PIK3C2B: variants seen among roughly 807,000 people sequenced by gnomAD.
The protein encoded by PIK3C2B is phosphatidylinositol-4-phosphate 3-kinase catalytic subunit type 2 beta.
PIK3C2B carries 83 observed loss-of-function variants against 184.3 expected under a neutral mutation model. That is an observed-to-expected ratio of 0.45 (90% confidence interval 0.38 to 0.54). PIK3C2B has a LOEUF of 0.54. Ranked by LOEUF, PIK3C2B falls within the 20% of genes least tolerant of loss-of-function variation. The pLI is 0.00. For synonymous variants in PIK3C2B, 779 were observed against 837.6 expected (o/e 0.93, Z 1.21); for missense variants, 1,736 against 2,113.5 (o/e 0.82, Z 3.50).
At position 204,449,316 on chromosome 1, in the gene PIK3C2B, G is replaced by A. The variant is rs376232712; in HGVS notation, c.2235-20C>T. The A allele has an allele frequency of 6.4e-6, 10 of 1,567,540 alleles. No homozygotes were observed. In the African/African-American group the frequency reaches 1.1e-4, roughly 17 times the overall value. Reference sequence around the variant, plus strand: ...AGGACCCTAAGAAGGAGGGAGAGTGGGAAGAGCTGCTAAAGTGGCTAAGCA... The same window carrying A: ...AGGACCCTAAGAAGGAGGGAGAGTGAGAAGAGCTGCTAAAGTGGCTAAGCA... On this transcript the variant is annotated intron_variant, in intron 13 of 32. Coordinates refer to ENST00000684373, the MANE Select transcript of PIK3C2B (RefSeq NM_001377334.1).
chr1:204,456,314 C>T, intron 10 of PIK3C2B: 1 of 337,498 alleles, frequency 3.0e-6, no homozygotes, highest in East Asian at 4.5e-5. Context: ...ATTAAAATGT[C>T]CTTTCTTTTA....
Position 204,425,659 on chromosome 1 carries a change from T to C in PIK3C2B, c.4670A>G (p.Lys1557Arg), listed in dbSNP as rs1419342516. The C allele has an allele frequency of 6.2e-7, 1 of 1,614,024 alleles. No individual in the cohort carries two copies. Among genetic ancestry groups the C allele is most frequent in the Non-Finnish European group, 8.5e-7 (1 of 1,180,002 alleles). Residue 1557 changes from lysine to arginine, a missense_variant, in exon 32 of 33, where the codon AAA (lysine) becomes AGA (arginine). This residue lies in a region of PIK3C2B where 95 missense variants were observed against 164.2 expected (regional missense o/e 0.58). Coordinates refer to ENST00000684373, the MANE Select transcript of PIK3C2B (RefSeq NM_001377334.1). Reference protein sequence around the residue: ...LPDPQKTTKRKTKVARKTCNP... With the variant: ...LPDPQKTTKRRTKVARKTCNP... Reference sequence around the variant, plus strand: ...GCAGGTTTTCCGGGCCACTTTGGTTTTCCTCTTAGTGGTTTTCTGAGGGTC... The same window carrying C: ...GCAGGTTTTCCGGGCCACTTTGGTTCTCCTCTTAGTGGTTTTCTGAGGGTC...
At position 204,424,938 on chromosome 1, in the gene PIK3C2B, C is replaced by A. The variant is rs1373268934; in HGVS notation, c.4819G>T (p.Val1607Leu). The A allele has an allele frequency of 6.2e-7, 1 of 1,614,254 alleles. No homozygotes were observed. Among genetic ancestry groups the A allele is most frequent in the East Asian group, 2.2e-5 (1 of 44,888 alleles). The change falls in exon 33 of 33, where the codon GTG (valine) becomes TTG (leucine). Residue 1607 changes from valine to leucine, a missense_variant. Around this residue, in one of 8 missense-constraint regions of PIK3C2B, gnomAD observed 95 missense variants for 164.2 expected, o/e 0.58. Coordinates refer to ENST00000684373, the MANE Select transcript of PIK3C2B (RefSeq NM_001377334.1). ...GFWENVLLGE[V>L]NIRLRELDLA... ...TCCAGCTCTCGCAGGCGGATGTTCA[C>A]CTCACCGAGGAGGACGTTCTCCCAG...
At chr1:204,486,483 C>T (rs1459216139) in intron 1 of PIK3C2B, among the ~76,000 whole-genome samples, 1 of 151,220 alleles carries the variant, frequency 6.6e-6, no homozygotes, top group African/African-American at 2.4e-5. Flanking sequence ...GTAATTCCAG[C>T]ATTTTGGGAG....
At chr1:204,470,602 T>C (rs1656235932) in intron 1 of PIK3C2B, among the ~76,000 whole-genome samples, 1 of 152,244 alleles carries the variant, frequency 6.6e-6, no homozygotes, top group Non-Finnish European at 1.5e-5. Context: ...AGGCAGGTTC[T>C]TAAAAAGGTC....
At position 204,424,362 on chromosome 1, in the gene PIK3C2B, T is replaced by G; in HGVS notation, c.*490A>C. The G allele has an allele frequency of 5.3e-6, 1 of 190,036 alleles. No homozygotes were observed. Among genetic ancestry groups the G allele is most frequent in the South Asian group, 8.3e-5 (1 of 12,076 alleles). The allele number at this position is 190,036 out of a possible 1,614,324, so 11.8% of individuals were successfully genotyped here. ...CAAAAAAAAAAAACCTAGGGAAAAG[T>G]CCAATAAGAACCTTAATCATACAAA... On this transcript the variant is annotated 3_prime_UTR_variant, in exon 33 of 33. Transcript: ENST00000684373.
intron 22 of PIK3C2B, 52 bp downstream of exon 22, chr1:204,440,140 A>G (rs1349606959): frequency 1.9e-5 from 29 of 1,560,412 alleles, no homozygotes; most frequent in Non-Finnish European, 1.4e-5. Flanking sequence ...GGGCAGAAGG[A>G]CAATAAGCAA....
intron 1 of PIK3C2B, among the ~76,000 whole-genome samples, chr1:204,487,063 C>T (rs1056596737): frequency 2.0e-5 from 3 of 152,182 alleles, no homozygotes; most frequent in African/African-American, 7.2e-5. Flanking sequence ...CCTTCTCAGC[C>T]TCCCAAAGTG....
intron 28 of PIK3C2B, among the ~76,000 whole-genome samples, chr1:204,431,089 T>C (rs1455282245): frequency 1.3e-5 from 2 of 152,242 alleles, no homozygotes; most frequent in Non-Finnish European, 2.9e-5. Flanking sequence ...CTATCCAACT[T>C]CATAGCTCTT....
chr1:204,445,962 T>C lies in PIK3C2B; in HGVS notation c.2672A>G (p.His891Arg), dbSNP rs1375684477. ...GGCAGATGTTACAACTCACGTGGCA[T>C]GCAGGAGCCCCAGGGCATCCTGGTG... Reference protein sequence around the residue: ...MNHQDALGLLHATFPDQEVRR... With the variant: ...MNHQDALGLLRATFPDQEVRR... Residue 891 changes from histidine (H) to arginine (R), a missense_variant, in exon 16 of 33, where the codon CAT (histidine) becomes CGT (arginine). Physicochemically the swap from His to Arg is conservative, Grantham distance 29. Coordinates refer to ENST00000684373, the MANE Select transcript of PIK3C2B (RefSeq NM_001377334.1). 2.6e-6 allele frequency: 4 copies of C among 1,527,318 alleles called. No individual in the cohort carries two copies. Among genetic ancestry groups the C allele is most frequent in the Non-Finnish European group, 3.5e-6 (4 of 1,128,784 alleles). The allele number at this position is 1,527,318 out of a possible 1,614,324, so 94.6% of individuals were successfully genotyped here. A position where few individuals can be genotyped will look rare whatever the true frequency, so the allele number is the denominator to read the frequency against.
rs748131477 is a variant in PIK3C2B, at chr1:204,447,156, T to C, written c.2489+280A>G. ...TGGACAGAAGGTAGTAGATAGCACA[T>C]CTGGGATGTGGGGCAGAGCTCTGGT... On this transcript the variant is annotated intron_variant, in intron 15 of 32. Transcript: ENST00000684373. The surrounding 1 kb of genome is among the most constrained non-coding windows in gnomAD (Gnocchi z 4.1). 6.6e-6 allele frequency among the ~76,000 whole-genome samples: 1 copy of C among 151,980 alleles called. No homozygotes were observed. The highest frequency in any genetic ancestry group is 1.5e-5 in the Non-Finnish European group (1 of 67,978).
At chr1:204,465,172 C>CCACCCCCA in intron 3 of PIK3C2B, 47 bp downstream of exon 3, 1 of 820,642 alleles carries the variant, frequency 1.2e-6, no homozygotes, top group Non-Finnish European at 2.1e-6. Context: ...CCCCCCTCCC[C>CCACCCCCA]ATCCCCCATA....
intron 12 of PIK3C2B, among the ~76,000 whole-genome samples, chr1:204,453,748 G>T (rs58805378): frequency 0.16 from 24,124 of 151,198 alleles, 2,322 homozygotes; most frequent in East Asian, 0.41. Context: ...AAAAAATAAA[G>T]TATTATTAAA....
intron 1 of PIK3C2B, among the ~76,000 whole-genome samples, chr1:204,493,225 G>A (rs1380586425): frequency 6.6e-6 from 1 of 152,174 alleles, no homozygotes; most frequent in East Asian, 1.9e-4. Context: ...GCTTACATCT[G>A]CCTGGCCATA....
intron 11 of PIK3C2B, among the ~76,000 whole-genome samples, chr1:204,455,411 C>T (rs1236658377): frequency 1.3e-5 from 2 of 152,106 alleles, no homozygotes; most frequent in Non-Finnish European, 2.9e-5. Flanking sequence ...CCAACAGAGG[C>T]GCTGAGGATT....
At chr1:204,492,174 CTG>C (rs1658052968) in intron 1 of PIK3C2B, among the ~76,000 whole-genome samples, 1 of 152,118 alleles carries the variant, frequency 6.6e-6, no homozygotes, top group African/African-American at 2.4e-5. Context: ...GTAAAGTACT[CTG>C]TAGTTTTCAG....
chr1:204,428,999 G>A (rs1004115052), intron 29 of PIK3C2B: 5 of 440,428 alleles, frequency 1.1e-5, no homozygotes, highest in African/African-American at 8.2e-5. Context: ...TGAGGCCAGA[G>A]GATCGCTTGA....
intron 28 of PIK3C2B, 134 bp downstream of exon 28, chr1:204,431,535 C>G: frequency 8.9e-7 from 1 of 1,125,610 alleles, no homozygotes; most frequent in Non-Finnish European, 1.3e-6. Flanking sequence ...AAACTCCATA[C>G]CAGGCCAAGC....
Position 204,440,233 on chromosome 1 carries a change from C to T in PIK3C2B, c.3338G>A (p.Arg1113His), listed in dbSNP as rs368018698. ...KIWVQEGLDM[R>H]MVIFRCFSTG... ...GGAGAAGCAGCGGAAGATGACCATG[C>T]GCATGTCCAGCCCCTCCTGGACCCA... The change falls in exon 22 of 33, where the codon CGC (arginine) becomes CAC (histidine). Residue 1113 changes from arginine to histidine, a missense_variant. By Grantham distance (29) the Arg-to-His change is conservative. Around this residue, in one of 8 missense-constraint regions of PIK3C2B, gnomAD observed 289 missense variants for 380.4 expected, o/e 0.76. Coordinates refer to ENST00000684373, the MANE Select transcript of PIK3C2B (RefSeq NM_001377334.1). 70 of 1,612,206 alleles carry T rather than the reference C, an allele frequency of 4.3e-5. No individual in the cohort carries two copies. Among genetic ancestry groups the T allele is most frequent in the Admixed American group, 2.2e-4 (13 of 59,914 alleles).
Sources: gnomAD v4.1 joint callset for allele counts (sites outside exome capture counted in the v4.1 genomes callset) on GRCh38, gnomAD v4.1.1 for gene constraint, gnomAD v4.1.1 regional missense constraint, Gnocchi (gnomAD v3.1) non-coding constraint, MANE v1.5 for transcripts, NCBI Gene and HGNC (gene_info 2026-07-23, HGNC 2026-07-21) for gene names.